Variants in SEMA5A observed in about 807,000 individuals in gnomAD.
SEMA5A encodes the protein semaphorin-5A.
A neutral mutation model predicts 135.5 loss-of-function variants in SEMA5A; 55 were observed. The ratio of observed to expected loss-of-function variants is 0.41; its 90% CI spans 0.33 to 0.51. SEMA5A has a LOEUF of 0.51. Ranked by LOEUF, SEMA5A falls within the 20% of genes least tolerant of loss-of-function variation. The probability of loss-of-function intolerance (pLI) is 0.37; values close to 1 mark genes in which losing one functional copy is unlikely to be tolerated. For synonymous variants in SEMA5A, 580 were observed against 546.5 expected, an observed-to-expected ratio of 1.06 and a Z score of -0.85; for missense variants, 1,290 against 1,419.9, an observed-to-expected ratio of 0.91 and a Z score of 1.47.
At chr5:9,228,074 C>T (rs184041928) in intron 6 of SEMA5A, among the ~76,000 whole-genome samples, 8 of 152,314 alleles carry the variant, frequency 5.3e-5, no homozygotes, top group African/African-American at 1.7e-4. Flanking sequence ...CACTGAGTAG[C>T]TCCTCTTTGG....
At chr5:9,504,755 G>A (rs1203608525) in intron 1 of SEMA5A, among the ~76,000 whole-genome samples, 1 of 152,220 alleles carries the variant, frequency 6.6e-6, no homozygotes, top group Non-Finnish European at 1.5e-5. Flanking sequence ...CCAAATCATG[G>A]GAGCTGGGTC....
Position 9,449,683 on chromosome 5 carries a change from A to G in SEMA5A, c.-174-11831T>C, listed in dbSNP as rs75602458. ...GCATATCCCTAAAGTTAGCTTTAAC[A>G]TCAGTCAAAATCACCCAAAAATGCA... On this transcript the variant is annotated intron_variant, in intron 1 of 22. Coordinates refer to ENST00000382496, the MANE Select transcript of SEMA5A (RefSeq NM_003966.3). Among the ~76,000 whole-genome samples the G allele has an allele frequency of 9.4e-3, 1,435 of 152,292 alleles. 22 individuals are homozygous for G. Among genetic ancestry groups the G allele is most frequent in the African/African-American group, 0.033 (1,378 of 41,556 alleles).
intron 2 of SEMA5A, among the ~76,000 whole-genome samples, chr5:9,383,277 T>C (rs1353310513): frequency 6.6e-6 from 1 of 152,272 alleles, no homozygotes; most frequent in Non-Finnish European, 1.5e-5. Flanking sequence ...TATGAAATGT[T>C]ATCAAATGAT....
At chr5:9,103,181 G>A (rs1739722732) in intron 16 of SEMA5A, among the ~76,000 whole-genome samples, 1 of 152,072 alleles carries the variant, frequency 6.6e-6, no homozygotes, top group South Asian at 2.1e-4. Context: ...GGGTTTTTGG[G>A]TACCTAACTG....
intron 16 of SEMA5A, among the ~76,000 whole-genome samples, chr5:9,073,817 A>T (rs1290731807): frequency 6.6e-6 from 1 of 152,168 alleles, no homozygotes; most frequent in East Asian, 1.9e-4. Flanking sequence ...ATGCACCAGC[A>T]ACAAGCTACC....
At position 9,111,641 on chromosome 5, in the gene SEMA5A, G is replaced by C. The variant is rs76425895; in HGVS notation, c.1926-3354C>G. Reference sequence around the variant, plus strand: ...AAGCCACACCAGGATCTGCTGGCGTGTCACCCTCTGAAATTGCAGCCTCCC... The same window carrying C: ...AAGCCACACCAGGATCTGCTGGCGTCTCACCCTCTGAAATTGCAGCCTCCC... On this transcript the variant is annotated intron_variant, in intron 15 of 22. Transcript: ENST00000382496. Among the ~76,000 whole-genome samples the C allele has an allele frequency of 7.2e-5, 11 of 152,260 alleles. No homozygotes were observed. The East Asian group carries it at 2.1e-3, about 29-fold the overall frequency.
chr5:9,323,302 C>A (rs1010284100), intron 4 of SEMA5A, among the ~76,000 whole-genome samples: 3 of 152,116 alleles, frequency 2.0e-5, no homozygotes, highest in Admixed American at 2.0e-4. Flanking sequence ...TTTATTATGG[C>A]AAATTTAAAT....
At chr5:9,050,238 C>A (rs1736491279) in intron 21 of SEMA5A, among the ~76,000 whole-genome samples, 172 bp downstream of exon 21, 1 of 152,138 alleles carries the variant, frequency 6.6e-6, no homozygotes, top group Non-Finnish European at 1.5e-5. Context: ...ATCGGTACAT[C>A]AAATATTGAC....
chr5:9,240,646 C>T (rs1414351358), intron 5 of SEMA5A, among the ~76,000 whole-genome samples: 2 of 151,802 alleles, frequency 1.3e-5, no homozygotes, highest in Non-Finnish European at 2.9e-5. Flanking sequence ...ACGCATTTTT[C>T]TGTTTGAAAT....
intron 4 of SEMA5A, among the ~76,000 whole-genome samples, chr5:9,329,220 C>T (rs1753007317): frequency 0.029 from 1 of 34 alleles, no homozygotes; most frequent in African/African-American, 0.071. Context: ...AATCTAATTG[C>T]TTGTGCCCGT....
Position 9,062,854 on chromosome 5 carries a change from T to C in SEMA5A, c.2518+33A>G, listed in dbSNP as rs762357960. On this transcript the variant is annotated intron_variant, in intron 18 of 22. Transcript: ENST00000382496. ...AAGACTCTCCAAGGCCCTTGAGTTT[T>C]CAGATGTTTTGTAGACTACACAATC... is the stretch of plus-strand genomic sequence containing the variant. 3.1e-6 allele frequency: 5 copies of C among 1,610,220 alleles called. No homozygotes were observed. The East Asian group carries it at 1.1e-4, about 36-fold the overall frequency.
chr5:9,224,781 T>C lies in SEMA5A; in HGVS notation c.539A>G (p.Tyr180Cys). 6.2e-7 allele frequency: 1 copy of C among 1,614,180 alleles called. No individual in the cohort carries two copies. Among genetic ancestry groups the C allele is most frequent in the Non-Finnish European group, 8.5e-7 (1 of 1,180,032 alleles). ...TGGAAAATCCATGGCTGTAGCAGCA[T>C]AGAGCTCCCCACCAGCTGTGAGGAG... ...TALLTAGGEL[Y>C]AATAMDFPGR... Residue 180 changes from tyrosine to cysteine, a missense_variant, in exon 8 of 23, where the codon TAT (tyrosine) becomes TGT (cysteine). Transcript: ENST00000382496.
At chr5:9,430,027 G>A (rs537148875) in intron 2 of SEMA5A, among the ~76,000 whole-genome samples, 1 of 152,332 alleles carries the variant, frequency 6.6e-6, no homozygotes, top group African/African-American at 2.4e-5. Flanking sequence ...CCAAGTTGCT[G>A]GGAGCTTAGC....
At chr5:9,106,258 G>C (rs1256722192) in intron 16 of SEMA5A, among the ~76,000 whole-genome samples, 3 of 152,148 alleles carry the variant, frequency 2.0e-5, no homozygotes, top group Non-Finnish European at 4.4e-5. Flanking sequence ...GAAAGCAGTG[G>C]TTACATTTGT....
intron 2 of SEMA5A, among the ~76,000 whole-genome samples, chr5:9,386,396 G>A (rs1043687073): frequency 2.0e-5 from 3 of 152,178 alleles, no homozygotes; most frequent in African/African-American, 7.2e-5. Context: ...CATGCTTTTA[G>A]AGGAATAGCT....
intron 5 of SEMA5A, among the ~76,000 whole-genome samples, chr5:9,278,235 C>T (rs1040368589): frequency 6.6e-6 from 1 of 152,022 alleles, no homozygotes; most frequent in East Asian, 1.9e-4. Context: ...ACATTTTGTT[C>T]CTGCCCTAGA....
At chr5:9,309,658 G>T (rs532726948) in intron 5 of SEMA5A, among the ~76,000 whole-genome samples, 1 of 152,204 alleles carries the variant, frequency 6.6e-6, no homozygotes, top group South Asian at 2.1e-4. Context: ...GGACTCACTT[G>T]CGAGGGAGGA....
intron 5 of SEMA5A, among the ~76,000 whole-genome samples, chr5:9,248,804 A>T (rs181583322): frequency 6.6e-6 from 1 of 152,240 alleles, no homozygotes; most frequent in Non-Finnish European, 1.5e-5. Context: ...AAAAGAACAA[A>T]TTATTTCCCC....
chr5:9,479,416 C>T (rs1039830364), intron 1 of SEMA5A, among the ~76,000 whole-genome samples: 3 of 151,664 alleles, frequency 2.0e-5, no homozygotes, highest in Admixed American at 2.0e-4. Context: ...AAGAAAAAAG[C>T]AGAACCTTTC....
Sources: gnomAD v4.1 joint callset for allele counts (sites outside exome capture counted in the v4.1 genomes callset) on GRCh38, gnomAD v4.1.1 for gene constraint, MANE v1.5 for transcripts, NCBI Gene and HGNC (gene_info 2026-07-23, HGNC 2026-07-21) for gene names.